PFKFB3: variants seen among roughly 807,000 people sequenced by gnomAD.
PFKFB3 encodes the protein 6-phosphofructo-2-kinase/fructose-2,6-bisphosphatase 3.
Under a neutral mutation model 68.0 loss-of-function variants are expected in PFKFB3, and 33 were observed. That is an observed-to-expected ratio of 0.49 (90% CI 0.37 to 0.65). The LOEUF is 0.65. Ranked by LOEUF, PFKFB3 falls within the 30% of genes least tolerant of loss-of-function variation. The probability of loss-of-function intolerance (pLI) is 0.00; values close to 1 mark genes in which losing one functional copy is unlikely to be tolerated. For missense variants in PFKFB3, 586 were observed against 712.2 expected, an observed-to-expected ratio of 0.82 and a Z score of 2.02; for synonymous variants, 315 against 288.2, an observed-to-expected ratio of 1.09 and a Z score of -0.94.
chr10:6,171,312 C>A (rs972320063), intron 1 of PFKFB3, among the ~76,000 whole-genome samples: 3 of 152,168 alleles, frequency 2.0e-5, no homozygotes, highest in African/African-American at 4.8e-5. Context: ...GCCTCAGCCT[C>A]CCAAAGTGCT....
chr10:6,146,558 C>G (rs545336593), intron 1 of PFKFB3: 72 of 1,456,906 alleles, frequency 4.9e-5, no homozygotes, highest in Middle Eastern at 1.7e-4. Context: ...TCCCTCCCCC[C>G]CTACTCATTA....
the PFKFB3 span, among the ~76,000 whole-genome samples, chr10:6,287,082 GTT>G: frequency 2.0e-5 from 3 of 151,516 alleles, no homozygotes; most frequent in African/African-American, 4.9e-5. Context: ...TTATAATACT[GTT>G]TTTTTGTTTT....
chr10:6,251,831 G>C (rs192780872), intron 14 of PFKFB3, among the ~76,000 whole-genome samples: 1 of 152,088 alleles, frequency 6.6e-6, no homozygotes, highest in Admixed American at 6.6e-5. Context: ...AGCCAGGTGT[G>C]GTGGCGGGTG....
In PFKFB3 at chr10:6,203,114, A is replaced by T; in HGVS notation, c.-147A>T. On this transcript the variant is annotated 5_prime_UTR_variant, in exon 1 of 15. Coordinates refer to ENST00000379775, the MANE Select transcript of PFKFB3 (RefSeq NM_004566.4). Reference sequence around the variant, plus strand: ...GAGGGTCCGGAACTTAGCCCAAAGCACGTTTCCCCTGGCAGCGCAGGAAAC... The same window carrying T: ...GAGGGTCCGGAACTTAGCCCAAAGCTCGTTTCCCCTGGCAGCGCAGGAAAC... 1 of 1,475,926 alleles carries T rather than the reference A, an allele frequency of 6.8e-7. No individual in the cohort carries two copies. Among genetic ancestry groups the T allele is most frequent in the Non-Finnish European group, 9.0e-7 (1 of 1,116,866 alleles). 91.4% of individuals were successfully genotyped at this position (1,475,926 alleles called of 1,614,324 possible).
intron 1 of PFKFB3, among the ~76,000 whole-genome samples, chr10:6,184,856 T>C (rs1588438820): frequency 6.9e-6 from 1 of 144,726 alleles, no homozygotes; most frequent in East Asian, 2.3e-4. Context: ...GATCCTCCCA[T>C]CTCGGCCTCC....
At chr10:6,254,516 C>T (rs1353493376) in exon 15 of PFKFB3, 1 of 396,752 alleles carries the variant, frequency 2.5e-6, no homozygotes, top group African/African-American at 2.1e-5. Context: ...TAGTTTATGA[C>T]ACTTCCACTT....
At chr10:6,214,572 C>G (rs1167829365) in intron 2 of PFKFB3, among the ~76,000 whole-genome samples, 8 of 151,546 alleles carry the variant, frequency 5.3e-5, no homozygotes, top group Admixed American at 5.3e-4. Flanking sequence ...ATGTTTGTTA[C>G]CTGAGTATAT....
At chr10:6,303,610 C>T in the PFKFB3 span, among the ~76,000 whole-genome samples, 43 of 151,872 alleles carry the variant, frequency 2.8e-4, 1 homozygote, top group East Asian at 7.9e-3. Flanking sequence ...GTCAGGAGTT[C>T]GAGACCACCC....
intron 1 of PFKFB3, among the ~76,000 whole-genome samples, chr10:6,169,234 G>A (rs557250621): frequency 3.3e-5 from 5 of 152,170 alleles, no homozygotes; most frequent in African/African-American, 7.2e-5. Flanking sequence ...GAGCCACCGC[G>A]CCCAGTCTTC....
chr10:6,309,402 G>A, the PFKFB3 span, among the ~76,000 whole-genome samples: 73 of 152,270 alleles, frequency 4.8e-4, no homozygotes, highest in South Asian at 6.6e-3. Flanking sequence ...GAACCTGGGA[G>A]GCAGAGGTCA....
rs377387063 is a variant in PFKFB3 at position 6,228,251 on chromosome 10, C to T, written c.1515+1886C>T. On this transcript the variant is annotated intron_variant, in intron 14 of 14. Transcript: ENST00000379775. This position sits in a 1 kb window ranked among gnomAD's most constrained non-coding sequence, Gnocchi z 4.5. The stretch of plus-strand genomic sequence containing the variant: ...TCTCTCCGATCATCGCTGCTGCTTG[C>T]ACTGCTTTCTTCCTGCTTGCTCATT... 7.4e-6 allele frequency: 12 copies of T among 1,611,662 alleles called. No homozygotes were observed. The African/African-American group carries it at 8.0e-5, about 11-fold the overall frequency.
chr10:6,216,893 C>A (rs918185544), intron 5 of PFKFB3, 113 bp downstream of exon 5: 7 of 854,038 alleles, frequency 8.2e-6, no homozygotes, highest in South Asian at 7.3e-5. Flanking sequence ...GTTCCTTAGT[C>A]CTGCTCGGTC....
chr10:6,224,685 C>T, intron 13 of PFKFB3: 1 of 330,094 alleles, frequency 3.0e-6, no homozygotes, highest in South Asian at 2.3e-5. Flanking sequence ...TGGGGTCTCA[C>T]TGTGTTGCCC....
upstream of PFKFB3, among the ~76,000 whole-genome samples, chr10:6,201,705 C>A (rs1185348282): frequency 1.3e-5 from 2 of 152,148 alleles, no homozygotes; most frequent in Non-Finnish European, 1.5e-5. This position sits in a 1 kb window ranked among gnomAD's most constrained non-coding sequence, Gnocchi z 4.1. Flanking sequence ...TTTCAGCGAG[C>A]GCCGCCTTCC....
the PFKFB3 span, among the ~76,000 whole-genome samples, chr10:6,308,044 T>C: frequency 6.6e-6 from 1 of 152,212 alleles, no homozygotes; most frequent in Non-Finnish European, 1.5e-5. Context: ...CACCTTCATA[T>C]GGGACTTCAT....
chr10:6,222,500 T>G (rs1013234736), intron 10 of PFKFB3, among the ~76,000 whole-genome samples: 2 of 152,188 alleles, frequency 1.3e-5, no homozygotes, highest in Non-Finnish European at 2.9e-5. Flanking sequence ...TAGGAGCCGC[T>G]CCCGCCTGCC....
intron 1 of PFKFB3, among the ~76,000 whole-genome samples, chr10:6,148,695 G>A (rs1428679884): frequency 6.6e-6 from 1 of 152,190 alleles, no homozygotes; most frequent in East Asian, 1.9e-4. Flanking sequence ...ACACGGAGAG[G>A]AAAGTCATGC....
At chr10:6,169,825 T>C (rs867247489) in intron 1 of PFKFB3, among the ~76,000 whole-genome samples, 1 of 152,206 alleles carries the variant, frequency 6.6e-6, no homozygotes, top group Non-Finnish European at 1.5e-5. Context: ...TCTGCCTGGC[T>C]CCCGGTTTTA....
chr10:6,316,999 G>A, the PFKFB3 span, among the ~76,000 whole-genome samples: 1 of 152,154 alleles, frequency 6.6e-6, no homozygotes, highest in African/African-American at 2.4e-5. Flanking sequence ...CTGGCACACA[G>A]ACTGTATGGA....
Sources: gnomAD v4.1 joint callset for allele counts (sites outside exome capture counted in the v4.1 genomes callset) on GRCh38, gnomAD v4.1.1 for gene constraint, Gnocchi (gnomAD v3.1) non-coding constraint, MANE v1.5 for transcripts, NCBI Gene and HGNC (gene_info 2026-07-23, HGNC 2026-07-21) for gene names.